ATRNL1: variants seen among roughly 807,000 people sequenced by gnomAD.
The protein encoded by ATRNL1 is attractin like 1.
In ATRNL1, 95 loss-of-function variants were observed where a neutral mutation model predicts 182.7. That is an observed-to-expected ratio of 0.52 (90% CI 0.44 to 0.62). ATRNL1 has a LOEUF of 0.62. Among genes scored for constraint, ATRNL1 ranks in the 20% least tolerant of loss-of-function variants. The pLI, the probability that ATRNL1 is intolerant of heterozygous loss-of-function variation, is 0.00. For synonymous variants in ATRNL1, 576 were observed against 568.3 expected (o/e 1.01, Z -0.19); for missense variants, 1,471 against 1,679.5 (o/e 0.88, Z 2.17).
At chr10:115,642,236 C>T (rs1555030666) in intron 26 of ATRNL1, among the ~76,000 whole-genome samples, 1 of 152,078 alleles carries the variant, frequency 6.6e-6, no homozygotes, top group Non-Finnish European at 1.5e-5. Flanking sequence ...CAAAAGAATG[C>T]AATTCCTAAA....
chr10:115,673,640 T>C (rs1945769811), intron 26 of ATRNL1, among the ~76,000 whole-genome samples: 2 of 152,116 alleles, frequency 1.3e-5, no homozygotes, highest in African/African-American at 4.8e-5. Context: ...AGCAAATTAA[T>C]ATAACCAACT....
intron 13 of ATRNL1, among the ~76,000 whole-genome samples, chr10:115,270,267 TTATA>T (rs1554912401): frequency 1.4e-5 from 2 of 146,308 alleles, no homozygotes; most frequent in Admixed American, 6.9e-5. Context: ...TGTTTATATA[TTATA>T]TATAAATATA....
intron 8 of ATRNL1, among the ~76,000 whole-genome samples, chr10:115,215,311 G>A (rs1462600468): frequency 2.0e-5 from 3 of 152,150 alleles, no homozygotes; most frequent in Non-Finnish European, 4.4e-5. Context: ...TCTAAGGGTA[G>A]GGATCATATC....
intron 28 of ATRNL1, among the ~76,000 whole-genome samples, chr10:115,905,800 T>C (rs1429360322): frequency 6.6e-6 from 1 of 152,156 alleles, no homozygotes; most frequent in Non-Finnish European, 1.5e-5. Context: ...ATGAGCACCA[T>C]GGAATCCCTG....
chr10:115,553,309 G>T (rs1445419782), intron 26 of ATRNL1, among the ~76,000 whole-genome samples: 2 of 151,236 alleles, frequency 1.3e-5, no homozygotes, highest in Admixed American at 1.3e-4. Flanking sequence ...CAAAGGAAGG[G>T]TTATTTTTAC....
At chr10:115,370,019 G>A (rs1405817313) in intron 19 of ATRNL1, among the ~76,000 whole-genome samples, 1 of 152,164 alleles carries the variant, frequency 6.6e-6, no homozygotes, top group Admixed American at 6.5e-5. Context: ...TCTTTCCCAT[G>A]CTATTCTTGT....
chr10:115,823,829 T>C (rs1427504657), intron 27 of ATRNL1, among the ~76,000 whole-genome samples: 1 of 152,184 alleles, frequency 6.6e-6, no homozygotes, highest in African/African-American at 2.4e-5. Flanking sequence ...GAAGAATCAA[T>C]ATTGTGAATA....
chr10:115,629,095 A>G (rs1023968008), intron 26 of ATRNL1, among the ~76,000 whole-genome samples: 4 of 152,118 alleles, frequency 2.6e-5, no homozygotes, highest in Non-Finnish European at 5.9e-5. Flanking sequence ...TTTCAAAGCT[A>G]AATAACTTAG....
In ATRNL1 at chr10:115,573,435, CATGGGGGCAGG is replaced by C. The variant is rs1397712697; in HGVS notation, c.3795+23909_3795+23919del. Among the ~76,000 whole-genome samples the C allele has an allele frequency of 1.9e-4, 29 of 151,586 alleles. 1 individual carries two copies. Among genetic ancestry groups the C allele is most frequent in the Admixed American group, 1.8e-3 (27 of 15,222 alleles). On this transcript the variant is annotated intron_variant, in intron 26 of 28. Transcript: ENST00000355044. ...TCTGGAGCTTGGGGTTCAGGGTTTA[CATGGGGGCAGG>C]ATGGGGGCATGGCTGGGGGTAGGAT...
chr10:115,755,952 A>G (rs1948577908), intron 27 of ATRNL1, among the ~76,000 whole-genome samples: 1 of 151,952 alleles, frequency 6.6e-6, no homozygotes, highest in Non-Finnish European at 1.5e-5. Context: ...GTTTATTTGC[A>G]TAGAGGTGTT....
chr10:115,623,784 AG>A (rs1555023822), intron 26 of ATRNL1, among the ~76,000 whole-genome samples: 1 of 152,140 alleles, frequency 6.6e-6, no homozygotes, highest in Non-Finnish European at 1.5e-5. Flanking sequence ...TTGAAAAGGT[AG>A]ACGTAGTAAA....
intron 8 of ATRNL1, among the ~76,000 whole-genome samples, chr10:115,208,026 C>T (rs1848869047): frequency 6.6e-6 from 1 of 152,034 alleles, no homozygotes; most frequent in African/African-American, 2.4e-5. Flanking sequence ...CAATCTTTTT[C>T]ATTTATGTGC....
At chr10:115,502,841 A>T (rs1264162126) in intron 24 of ATRNL1, among the ~76,000 whole-genome samples, 1 of 152,234 alleles carries the variant, frequency 6.6e-6, no homozygotes, top group East Asian at 1.9e-4. Flanking sequence ...GTGTATACCT[A>T]TGTAACAAAA....
At chr10:115,375,356 C>T (rs941998550) in intron 19 of ATRNL1, among the ~76,000 whole-genome samples, 26 of 151,734 alleles carry the variant, frequency 1.7e-4, no homozygotes, top group Admixed American at 1.7e-3. Context: ...CTATGTATGC[C>T]TTTAATATTA....
chr10:115,561,694 T>TGTGTGG (rs1853741281), intron 26 of ATRNL1, among the ~76,000 whole-genome samples: 1 of 114,812 alleles, frequency 8.7e-6, no homozygotes, highest in Non-Finnish European at 1.9e-5. Flanking sequence ...TGTGTGGGTG[T>TGTGTGG]GTGTGTGTGG....
intron 24 of ATRNL1, among the ~76,000 whole-genome samples, chr10:115,510,917 T>G (rs1214037990): frequency 6.6e-6 from 1 of 151,928 alleles, no homozygotes; most frequent in Non-Finnish European, 1.5e-5. Flanking sequence ...AGAGAGCACT[T>G]TGTCAGTTAA....
rs190380806 is a variant in ATRNL1 at position 115,135,109 on chromosome 10, C to G, written c.829+5574C>G. ...GAATGGGCAAAAACTGGAAGCATTC[C>G]CTTTGAAAACGGGCACAAGACAGGG... On this transcript the variant is annotated intron_variant, in intron 5 of 28. Coordinates refer to ENST00000355044, the MANE Select transcript of ATRNL1 (RefSeq NM_207303.4). Among the ~76,000 whole-genome samples, 633 of 152,140 alleles carry G rather than the reference C, an allele frequency of 4.2e-3. 7 individuals are homozygous for G. The highest frequency in any genetic ancestry group is 0.013 in the African/African-American group (551 of 41,428).
chr10:115,760,628 A>G (rs879963901), intron 27 of ATRNL1, among the ~76,000 whole-genome samples: 2 of 152,150 alleles, frequency 1.3e-5, no homozygotes, highest in African/African-American at 4.8e-5. Context: ...TTCTGAAACA[A>G]TACACACACA....
chr10:115,325,484 G>A (rs1554932919), intron 18 of ATRNL1, among the ~76,000 whole-genome samples: 1 of 152,100 alleles, frequency 6.6e-6, no homozygotes, highest in African/African-American at 2.4e-5. Flanking sequence ...TACCATATTA[G>A]TTATAAGGTG....
Sources: allele counts gnomAD v4.1 joint callset (sites outside exome capture counted in the v4.1 genomes callset), GRCh38; gene constraint gnomAD v4.1.1; transcripts MANE v1.5; gene names NCBI Gene and HGNC (gene_info 2026-07-23, HGNC 2026-07-21).